Variants in ADARB2 observed in about 807,000 individuals in gnomAD.
ADARB2 encodes the protein inactive double-stranded RNA-specific editase B2.
A neutral mutation model predicts 62.2 loss-of-function variants in ADARB2; 25 were observed. The observed-to-expected ratio is 0.40, with a 90% CI of 0.29 to 0.56. The LOEUF (loss-of-function observed/expected upper bound fraction) is 0.56, where lower values mean the gene tolerates loss of function less well. Ranked by LOEUF, ADARB2 falls within the 20% of genes least tolerant of loss-of-function variation. ADARB2 has a pLI of 0.43. For missense variants in ADARB2, 1,071 were observed against 1,077.4 expected (o/e 0.99, Z 0.08); for synonymous variants, 572 against 500.8 (o/e 1.14, Z -1.90).
intron 1 of ADARB2, among the ~76,000 whole-genome samples, chr10:1,723,975 G>A (rs1481937016): frequency 6.6e-6 from 1 of 152,202 alleles, no homozygotes; most frequent in Non-Finnish European, 1.5e-5. Context: ...CTAACCGTAA[G>A]CTTTAGTTTT....
intron 6 of ADARB2, 140 bp downstream of exon 6, chr10:1,233,554 T>G: frequency 1.1e-6 from 1 of 897,340 alleles, no homozygotes; most frequent in Admixed American, 2.9e-5. Flanking sequence ...TCCCACTAAT[T>G]GTAGACTCAA....
chr10:1,725,142 T>A (rs1237987699), intron 1 of ADARB2, among the ~76,000 whole-genome samples: 1 of 152,178 alleles, frequency 6.6e-6, no homozygotes, highest in Non-Finnish European at 1.5e-5. Context: ...TGCCAGGACA[T>A]GTCCTCCCTG....
intron 1 of ADARB2, among the ~76,000 whole-genome samples, chr10:1,510,096 TTTTC>T (rs1199721639): frequency 8.0e-5 from 10 of 124,828 alleles, no homozygotes; most frequent in Middle Eastern, 3.9e-3. Flanking sequence ...TCTCTCTCTC[TTTTC>T]TTTCTTTCTC....
chr10:1,648,209 A>G (rs1049377397), intron 1 of ADARB2, among the ~76,000 whole-genome samples: 1 of 152,192 alleles, frequency 6.6e-6, no homozygotes, highest in African/African-American at 2.4e-5. Flanking sequence ...TTTACACTGT[A>G]TCTGTGCTGC....
intron 1 of ADARB2, chr10:1,678,195 G>C (rs1834490919): frequency 8.1e-6 from 8 of 985,416 alleles, no homozygotes; most frequent in Non-Finnish European, 9.6e-6. Flanking sequence ...AATGCCACAG[G>C]ACCTCAGGGT....
intron 1 of ADARB2, among the ~76,000 whole-genome samples, chr10:1,624,204 T>A (rs1232847744): frequency 6.6e-6 from 1 of 152,006 alleles, no homozygotes; most frequent in African/African-American, 2.4e-5. Context: ...ACTCCACTCC[T>A]GCCTGGGTGA....
chr10:1,325,613 G>A (rs963560477), intron 3 of ADARB2, among the ~76,000 whole-genome samples: 1 of 152,190 alleles, frequency 6.6e-6, no homozygotes, highest in African/African-American at 2.4e-5. Context: ...AACGGGACAA[G>A]ACCCCGGGAC....
intron 3 of ADARB2, among the ~76,000 whole-genome samples, chr10:1,353,955 T>A (rs1328044746): frequency 6.6e-6 from 1 of 152,008 alleles, no homozygotes; most frequent in Non-Finnish European, 1.5e-5. Context: ...ATAACAGAGG[T>A]TGCTCGTAGA....
intron 1 of ADARB2, among the ~76,000 whole-genome samples, chr10:1,514,266 CTCCTG>C (rs1215082073): frequency 6.8e-6 from 1 of 147,800 alleles, no homozygotes; most frequent in East Asian, 2.0e-4. Flanking sequence ...ATACAGAGGA[CTCCTG>C]AATGTTCAGA....
intron 4 of ADARB2, among the ~76,000 whole-genome samples, chr10:1,260,101 C>A (rs1223833080): frequency 7.3e-6 from 1 of 136,180 alleles, no homozygotes; most frequent in Non-Finnish European, 1.6e-5. Context: ...AATTAAACAA[C>A]CCTTCATGCT....
At chr10:1,695,880 A>G (rs745655269) in intron 1 of ADARB2, among the ~76,000 whole-genome samples, 22 of 151,750 alleles carry the variant, frequency 1.4e-4, no homozygotes, top group Non-Finnish European at 2.7e-4. Context: ...ATGCATGAGG[A>G]CACACACATG....
intron 4 of ADARB2, among the ~76,000 whole-genome samples, chr10:1,268,154 T>C (rs544185764): frequency 1.3e-5 from 2 of 152,304 alleles, no homozygotes; most frequent in African/African-American, 2.4e-5. Context: ...GTTAATAGCA[T>C]GAGTCAATAG....
rs971881153 is a variant in ADARB2 at position 1,496,427 on chromosome 10, T to C, written c.101-117267A>G. ...CATTATCATCCTATCTTCATCATCA[T>C]TTAGTATCAACATTATCATTAGTAT... is the stretch of plus-strand genomic sequence containing the variant. On this transcript the variant is annotated intron_variant, in intron 1 of 9. Coordinates refer to ENST00000381312, the MANE Select transcript of ADARB2 (RefSeq NM_018702.4). 4.0e-5 allele frequency among the ~76,000 whole-genome samples: 6 copies of C among 151,360 alleles called. No homozygotes were observed. In the East Asian group the frequency reaches 1.2e-3, roughly 30 times the overall value.
chr10:1,645,013 G>A (rs1302124846), intron 1 of ADARB2, among the ~76,000 whole-genome samples: 2 of 152,190 alleles, frequency 1.3e-5, no homozygotes, highest in Non-Finnish European at 2.9e-5. Flanking sequence ...GGCTAAGGAG[G>A]GTGTTTATGT....
intron 1 of ADARB2, among the ~76,000 whole-genome samples, chr10:1,386,416 A>G (rs996020006): frequency 3.9e-5 from 6 of 152,032 alleles, no homozygotes; most frequent in Non-Finnish European, 8.8e-5. Context: ...TTTTATTGCT[A>G]CAAAAACTTA....
At chr10:1,610,894 A>C (rs574709583) in intron 1 of ADARB2, among the ~76,000 whole-genome samples, 1 of 152,248 alleles carries the variant, frequency 6.6e-6, no homozygotes, top group South Asian at 2.1e-4. Context: ...AGACATGTAA[A>C]TGCACACACA....
intron 1 of ADARB2, among the ~76,000 whole-genome samples, chr10:1,589,505 G>A (rs1034617099): frequency 2.0e-5 from 3 of 152,056 alleles, no homozygotes; most frequent in African/African-American, 7.2e-5. Context: ...GACATCCACG[G>A]TCGGGGCGTC....
chr10:1,420,871 T>C (rs149826631), intron 1 of ADARB2, among the ~76,000 whole-genome samples: 97 of 152,232 alleles, frequency 6.4e-4, no homozygotes, highest in African/African-American at 2.3e-3. Flanking sequence ...CAAAGGAGCT[T>C]GCATTGCACA....
chr10:1,589,997 G>A (rs1159315815), intron 1 of ADARB2, among the ~76,000 whole-genome samples: 1 of 152,256 alleles, frequency 6.6e-6, no homozygotes, highest in Non-Finnish European at 1.5e-5. Context: ...GAGCCAGGCT[G>A]TGAGCTGTGG....
Sources: gnomAD v4.1 joint callset for allele counts (sites outside exome capture counted in the v4.1 genomes callset) on GRCh38, gnomAD v4.1.1 for gene constraint, MANE v1.5 for transcripts, NCBI Gene and HGNC (gene_info 2026-07-23, HGNC 2026-07-21) for gene names.